Variants in ANOS1 observed in about 807,000 individuals in gnomAD.
ANOS1 encodes anosmin-1.
ANOS1 carries 6 observed loss-of-function variants against 59.0 expected under a neutral mutation model. The ratio of observed to expected loss-of-function variants is 0.10; its 90% CI spans 0.06 to 0.20. The LOEUF (loss-of-function observed/expected upper bound fraction) is 0.20. ANOS1 is among the 10% of genes least tolerant of loss of function. The pLI, the probability that ANOS1 is intolerant of heterozygous loss-of-function variation, is 1.00. For missense variants in ANOS1, 433 were observed against 542.3 expected (o/e 0.80, Z 2.00); for synonymous variants, 217 against 223.4 (o/e 0.97, Z 0.25).
In ANOS1 at chrX:8,530,751, T is replaced by C. The variant is rs1034617008; in HGVS notation, c.*2244A>G. The C allele has an allele frequency of 1.8e-5, 2 of 110,308 alleles. No individual in the cohort carries two copies. The highest frequency in any genetic ancestry group is 3.8e-5 in the Non-Finnish European group (2 of 52,815). The allele number at this position is 110,308 out of a possible 1,213,427, so 9.1% of individuals were successfully genotyped here. A position where few individuals can be genotyped will look rare whatever the true frequency, so the allele number is the denominator to read the frequency against. ...ATAATTTAATAATATTTTGTATCTA[T>C]GCAGAGACTCCCAGCATTTTTAACT... On this transcript the variant is annotated 3_prime_UTR_variant, in exon 14 of 14. Transcript: ENST00000262648.
At chrX:8,553,168 T>C (rs1167095395) in intron 9 of ANOS1, among the ~76,000 whole-genome samples, 1 of 109,483 alleles carries the variant, frequency 9.1e-6, no homozygotes, top group Non-Finnish European at 1.9e-5. Context: ...ATTCTAAAAG[T>C]ACCACCTTGA....
chrX:8,624,987 T>C (rs1037083513), intron 2 of ANOS1, among the ~76,000 whole-genome samples: 3 of 109,886 alleles, frequency 2.7e-5, no homozygotes, highest in African/African-American at 6.6e-5. Flanking sequence ...CGCCCACCTG[T>C]AGTTCCAGCT....
At chrX:8,565,840 G>T in intron 8 of ANOS1, 1 of 154,482 alleles carries the variant, frequency 6.5e-6, no homozygotes, top group Non-Finnish European at 1.1e-5. Flanking sequence ...ATATCTGCAA[G>T]CCATCCAAGG....
intron 1 of ANOS1, among the ~76,000 whole-genome samples, chrX:8,722,370 C>G (rs1318089719): frequency 2.7e-5 from 3 of 110,787 alleles, no homozygotes; most frequent in Admixed American, 9.6e-5. Context: ...CCCTTTCCCC[C>G]GGAGTCCCCA....
rs768147384 is a variant in ANOS1 at position 8,529,645 on chromosome X, A to G, written c.*3350T>C. 8.9e-6 allele frequency: 1 copy of G among 112,183 alleles called. No homozygotes were observed. The highest frequency in any genetic ancestry group is 1.9e-5 in the Non-Finnish European group (1 of 53,291). 9.2% of individuals were successfully genotyped at this position (112,183 alleles called of 1,213,427 possible). On this transcript the variant is annotated 3_prime_UTR_variant, in exon 14 of 14. Coordinates refer to ENST00000262648, the MANE Select transcript of ANOS1 (RefSeq NM_000216.4). ...AGTTTAGGCCTTTGAAGTCAACCAT[A>G]ATAACTTCTTAGCTGTCCCTTAGTT...
chrX:8,568,742 A>AC (rs1418215841), intron 7 of ANOS1, among the ~76,000 whole-genome samples: 2 of 110,626 alleles, frequency 1.8e-5, no homozygotes, highest in African/African-American at 6.6e-5. Context: ...AGAAGATTGA[A>AC]CCCAGGAGGT....
intron 8 of ANOS1, among the ~76,000 whole-genome samples, chrX:8,554,568 TTTG>T (rs1569047206): frequency 3.0e-4 from 28 of 94,912 alleles, no homozygotes; most frequent in East Asian, 6.3e-4. Context: ...TTTTTTTTTT[TTTG>T]TTGTTGTTGT....
intron 9 of ANOS1, among the ~76,000 whole-genome samples, chrX:8,542,108 CT>C (rs1929700397): frequency 9.4e-6 from 1 of 105,886 alleles, no homozygotes; most frequent in Non-Finnish European, 1.9e-5. Context: ...CTTTCATCTT[CT>C]CTCTGTGTCA....
At chrX:8,540,769 A>C (rs997217811) in intron 9 of ANOS1, among the ~76,000 whole-genome samples, 10 of 109,444 alleles carry the variant, frequency 9.1e-5, no homozygotes, top group African/African-American at 3.3e-4. Flanking sequence ...AGCACTTTGG[A>C]ACCAGAAAAG....
intron 2 of ANOS1, among the ~76,000 whole-genome samples, chrX:8,698,260 C>T (rs1431479979): frequency 8.9e-6 from 1 of 112,087 alleles, no homozygotes. Flanking sequence ...ATGGTTTAAC[C>T]ATCTATGATC....
chrX:8,684,372 G>T (rs1932471986), intron 2 of ANOS1, among the ~76,000 whole-genome samples: 1 of 111,187 alleles, frequency 9.0e-6, no homozygotes, highest in South Asian at 3.8e-4. Flanking sequence ...TCTAGGAAGG[G>T]ATTATTTCTG....
At chrX:8,539,086 T>C (rs751473496) in intron 10 of ANOS1, among the ~76,000 whole-genome samples, 1 of 111,014 alleles carries the variant, frequency 9.0e-6, no homozygotes, top group African/African-American at 3.3e-5. Context: ...CTATAATTCA[T>C]GAATGAACCC....
intron 1 of ANOS1, among the ~76,000 whole-genome samples, chrX:8,703,844 A>T (rs1932768235): frequency 9.0e-6 from 1 of 111,673 alleles, no homozygotes; most frequent in Admixed American, 9.6e-5. Context: ...AATTTAGCAA[A>T]TATCAGAGAG....
At chrX:8,598,964 G>A (rs1197003204) in intron 3 of ANOS1, among the ~76,000 whole-genome samples, 5 of 111,371 alleles carry the variant, frequency 4.5e-5, no homozygotes, top group Admixed American at 9.5e-5. Flanking sequence ...TGGTGCCCCC[G>A]TGTTCTTCTT....
chrX:8,721,782 C>G (rs1196366852), intron 1 of ANOS1, among the ~76,000 whole-genome samples: 1 of 112,727 alleles, frequency 8.9e-6, no homozygotes, highest in East Asian at 2.8e-4. Context: ...TGGGCATGCT[C>G]TTAACCTGCC....
At chrX:8,645,977 G>A (rs374307167) in intron 2 of ANOS1, among the ~76,000 whole-genome samples, 4 of 108,475 alleles carry the variant, frequency 3.7e-5, no homozygotes, top group African/African-American at 1.4e-4. Context: ...TTGTAGAGAT[G>A]GGGTTTCACA....
At chrX:8,680,119 C>T (rs374403454) in intron 2 of ANOS1, among the ~76,000 whole-genome samples, 1 of 97,677 alleles carries the variant, frequency 1.0e-5, no homozygotes, top group Non-Finnish European at 2.0e-5. Context: ...GAGCCAAGAT[C>T]GCACCACTGC....
At position 8,731,873 on chromosome X, in the gene ANOS1, C is replaced by T. The variant is rs779713503; in HGVS notation, c.164G>A (p.Ser55Asn). ...QRARCASRCLSLQITRISAFF... is the reference protein window; with the variant it reads ...QRARCASRCLNLQITRISAFF... ...GGCGGAGATGCGAGTGATCTGCAGG[C>T]TCAGGCACCTGGAGGCGCAGCGAGC... Residue 55 changes from serine to asparagine, a missense_variant, in exon 1 of 14, where the codon AGC becomes AAC. Ser to Asn is a conservative substitution (Grantham distance 46). Transcript: ENST00000262648. 9 of 1,193,883 alleles carry T rather than the reference C, an allele frequency of 7.5e-6. No individual in the cohort carries two copies. In the Admixed American group the frequency reaches 1.1e-4, roughly 15 times the overall value.
intron 8 of ANOS1, among the ~76,000 whole-genome samples, chrX:8,565,500 T>G (rs1930095179): frequency 8.9e-6 from 1 of 112,311 alleles, no homozygotes; most frequent in African/African-American, 3.2e-5. Flanking sequence ...AAACTTTGAC[T>G]GCTCTTTACA....
Sources: gnomAD v4.1 joint callset for allele counts (sites outside exome capture counted in the v4.1 genomes callset) on GRCh38, gnomAD v4.1.1 for gene constraint, MANE v1.5 for transcripts, NCBI Gene and HGNC (gene_info 2026-07-23, HGNC 2026-07-21) for gene names.